The following PCDH19 variants were observed in gnomAD, a reference collection of about 807,000 sequenced individuals.
PCDH19 encodes protocadherin 19, also known as protocadherin-19.
In PCDH19, 6 loss-of-function variants were observed where a neutral mutation model predicts 46.2. That is an observed-to-expected ratio of 0.13 (90% confidence interval 0.07 to 0.26). PCDH19 has a LOEUF of 0.26. Ranked by LOEUF, PCDH19 falls within the 10% of genes least tolerant of loss-of-function variation. The probability of loss-of-function intolerance (pLI) is 1.00; values close to 1 mark genes in which losing one functional copy is unlikely to be tolerated. For synonymous variants in PCDH19, 481 were observed against 415.7 expected (o/e 1.16, Z -1.91); for missense variants, 740 against 972.3 (o/e 0.76, Z 3.18).
intron 3 of PCDH19, among the ~76,000 whole-genome samples, chrX:100,373,191 T>A (rs2147510319): frequency 8.9e-6 from 1 of 112,594 alleles, no homozygotes; most frequent in East Asian, 2.8e-4. Context: ...GTATTTTTAG[T>A]AGAGACGGGG....
At chrX:100,397,098 C>G (rs1410390023) in intron 3 of PCDH19, among the ~76,000 whole-genome samples, 2 of 111,781 alleles carry the variant, frequency 1.8e-5, no homozygotes, top group Non-Finnish European at 3.8e-5. Context: ...TTTTTTAGTG[C>G]CTTCTGAATC....
At chrX:100,330,605 T>C (rs929921251) in intron 5 of PCDH19, among the ~76,000 whole-genome samples, 2 of 112,320 alleles carry the variant, frequency 1.8e-5, no homozygotes, top group Non-Finnish European at 3.8e-5. Flanking sequence ...CAGATTACAG[T>C]TGCAGTCCTG....
chrX:100,359,929 C>T (rs1275505276), intron 3 of PCDH19, among the ~76,000 whole-genome samples: 3 of 109,854 alleles, frequency 2.7e-5, no homozygotes, highest in African/African-American at 9.9e-5. Flanking sequence ...GAAGGACTAG[C>T]ACCCTCAGAA....
At position 100,296,679 on chromosome X, in the gene PCDH19, G is replaced by A. The variant is rs746702101; in HGVS notation, c.3045C>T (p.Phe1015=). The part of the protein sequence containing the change: ...YDDCGPTKRT[F]ATFGKDVSDH... ...CGCTGACATCTTTCCCAAAGGTTGCGAAAGTCCGTTTGGTGGGGCCGCAGT... is the reference window on the plus strand; with the variant it reads ...CGCTGACATCTTTCCCAAAGGTTGCAAAAGTCCGTTTGGTGGGGCCGCAGT... Residue 1015 remains phenylalanine, a synonymous_variant, in exon 6 of 6, where the codon TTC becomes TTT. Coordinates refer to ENST00000373034, the MANE Select transcript of PCDH19 (RefSeq NM_001184880.2). 2.2e-5 allele frequency: 26 copies of A among 1,209,289 alleles called. No individual in the cohort carries two copies. Among genetic ancestry groups the A allele is most frequent in the African/African-American group, 3.5e-5 (2 of 56,900 alleles).
intron 3 of PCDH19, among the ~76,000 whole-genome samples, chrX:100,358,335 C>T (rs1233262373): frequency 1.8e-5 from 2 of 111,969 alleles, no homozygotes; most frequent in African/African-American, 6.5e-5. Flanking sequence ...CAGGACAGGA[C>T]TATCAATGAG....
At chrX:100,391,445 A>G (rs138766023) in intron 3 of PCDH19, among the ~76,000 whole-genome samples, 2 of 111,951 alleles carry the variant, frequency 1.8e-5, no homozygotes, top group African/African-American at 6.5e-5. Context: ...CAGATTATAC[A>G]CAGAATATGC....
At chrX:100,403,729 G>GCCAAGTTTT (rs1344766348) in intron 1 of PCDH19, 65 bp from the exon 2 acceptor site, 2 of 1,014,760 alleles carry the variant, frequency 2.0e-6, no homozygotes, top group East Asian at 6.6e-5. Context: ...CCTACAAGCA[G>GCCAAGTTTT]CTGTGCTGCA....
chrX:100,352,055 C>T (rs941992846), intron 3 of PCDH19, among the ~76,000 whole-genome samples: 3 of 112,694 alleles, frequency 2.7e-5, no homozygotes, highest in African/African-American at 9.7e-5. Flanking sequence ...TGTGCCCACC[C>T]ATGCCCCTCA....
intron 5 of PCDH19, among the ~76,000 whole-genome samples, chrX:100,317,090 A>G (rs973386273): frequency 2.7e-5 from 3 of 111,649 alleles, no homozygotes; most frequent in African/African-American, 9.8e-5. Flanking sequence ...ATAATACAGT[A>G]TAATTAACTA....
chrX:100,380,392 T>C (rs974929810), intron 3 of PCDH19, among the ~76,000 whole-genome samples: 7 of 111,838 alleles, frequency 6.3e-5, no homozygotes, highest in African/African-American at 2.3e-4. Context: ...ATATGCTCTT[T>C]TCTTTCATAG....
At chrX:100,401,592 C>T (rs972260633) in intron 3 of PCDH19, among the ~76,000 whole-genome samples, 2 of 108,093 alleles carry the variant, frequency 1.9e-5, no homozygotes, top group Admixed American at 9.9e-5. Context: ...GTGGAGGTTG[C>T]GGTGAGCCAA....
At chrX:100,317,681 G>T (rs774714388) in intron 5 of PCDH19, among the ~76,000 whole-genome samples, 1 of 109,919 alleles carries the variant, frequency 9.1e-6, no homozygotes, top group Non-Finnish European at 1.9e-5. Flanking sequence ...TGCCTTGAGA[G>T]TGTGGATGAG....
In PCDH19 at chrX:100,297,777, T is replaced by TC. The variant is rs1433702702; in HGVS notation, c.2849-903dup. On this transcript the variant is annotated intron_variant, in intron 5 of 5. Coordinates refer to ENST00000373034, the MANE Select transcript of PCDH19 (RefSeq NM_001184880.2). The stretch of plus-strand genomic sequence containing the variant: ...AAGGGTTAAAGCTTCAATCTGGCTC[T>TC]CAGAGAGGCTTACTGCACAGGCTTT... 2.7e-5 allele frequency among the ~76,000 whole-genome samples: 3 copies of TC among 111,509 alleles called. No homozygotes were observed. The East Asian group carries it at 8.5e-4, about 32-fold the overall frequency.
intron 3 of PCDH19, among the ~76,000 whole-genome samples, chrX:100,365,821 G>A (rs1927054629): frequency 8.9e-6 from 1 of 111,834 alleles, no homozygotes. Context: ...ACTCAGGCAT[G>A]GATTCAGAAC....
chrX:100,333,730 A>C (rs1925990572), intron 5 of PCDH19, among the ~76,000 whole-genome samples: 1 of 108,452 alleles, frequency 9.2e-6, no homozygotes, highest in Non-Finnish European at 1.9e-5. Flanking sequence ...ATTCCTTACC[A>C]CAGGTAGTTT....
chrX:100,306,828 T>A (rs754850332), intron 5 of PCDH19, among the ~76,000 whole-genome samples: 2 of 111,059 alleles, frequency 1.8e-5, no homozygotes, highest in South Asian at 7.8e-4. Context: ...GATAAATTCC[T>A]GGAAATATAC....
intron 5 of PCDH19, among the ~76,000 whole-genome samples, chrX:100,333,692 T>A (rs914934926): frequency 4.5e-5 from 5 of 112,108 alleles, no homozygotes; most frequent in African/African-American, 1.6e-4. Context: ...AAGAAAAGCT[T>A]TGGCATTTAT....
chrX:100,335,231 C>G (rs1313880666), intron 5 of PCDH19, among the ~76,000 whole-genome samples: 2 of 111,809 alleles, frequency 1.8e-5, no homozygotes, highest in African/African-American at 6.5e-5. Flanking sequence ...TGTCACCTCT[C>G]TTCCTACCTG....
Position 100,409,988 on chromosome X carries a change from G to C in PCDH19, c.-1391C>G. ...TGTGTGAGAGAGAGAGGAAGAGTGAGTGTGTGGTGTGGGGAGTGTGAGTGT... is the reference window on the plus strand; with the variant it reads ...TGTGTGAGAGAGAGAGGAAGAGTGACTGTGTGGTGTGGGGAGTGTGAGTGT... On this transcript the variant is annotated 5_prime_UTR_variant, in exon 1 of 6. Coordinates refer to ENST00000373034, the MANE Select transcript of PCDH19 (RefSeq NM_001184880.2). The C allele has an allele frequency of 9.9e-6, 3 of 304,514 alleles. No individual in the cohort carries two copies. Among genetic ancestry groups the C allele is most frequent in the Non-Finnish European group, 1.7e-5 (3 of 176,367 alleles). The allele number at this position is 304,514 out of a possible 1,213,427, so 25.1% of individuals were successfully genotyped here.
Sources: gnomAD v4.1 joint callset for allele counts (sites outside exome capture counted in the v4.1 genomes callset) on GRCh38, gnomAD v4.1.1 for gene constraint, MANE v1.5 for transcripts, NCBI Gene and HGNC (gene_info 2026-07-23, HGNC 2026-07-21) for gene names.